Variants in FOXO1 observed in about 807,000 individuals in gnomAD.
FOXO1 encodes the protein forkhead box protein O1.
In FOXO1, 6 loss-of-function variants were observed where a neutral mutation model predicts 44.1. The ratio of observed to expected loss-of-function variants is 0.14; its 90% CI spans 0.07 to 0.27. FOXO1 has a LOEUF of 0.27. Ranked by LOEUF, FOXO1 falls within the 10% of genes least tolerant of loss-of-function variation. The pLI, the probability that FOXO1 is intolerant of heterozygous loss-of-function variation, is 1.00. For missense variants in FOXO1, 737 were observed against 888.8 expected, an observed-to-expected ratio of 0.83 and a Z score of 2.17; for synonymous variants, 380 against 362.7, an observed-to-expected ratio of 1.05 and a Z score of -0.54.
At position 40,665,736 on chromosome 13, in the gene FOXO1, C is replaced by A; in HGVS notation, c.477G>T (p.Ala159=). 4.2e-6 allele frequency: 6 copies of A among 1,442,146 alleles called. No homozygotes were observed. The highest frequency in any genetic ancestry group is 5.5e-6 in the Non-Finnish European group (6 of 1,082,892). 89.3% of individuals were successfully genotyped at this position (1,442,146 alleles called of 1,614,324 possible). Residue 159 remains alanine (A), a synonymous_variant, in exon 1 of 3, where the codon GCG becomes GCT. Transcript: ENST00000379561. ...GGTCGGCGTAGGACAGGTTGCCCCACGCGTTGCGGCGGGACGAGCTGCTCT... is the reference window on the plus strand; with the variant it reads ...GGTCGGCGTAGGACAGGTTGCCCCAAGCGTTGCGGCGGGACGAGCTGCTCT... The part of the protein sequence containing the change: ...PRKSSSSRRN[A]WGNLSYADLI...
chr13:40,589,682 T>C (rs533364324), intron 1 of FOXO1, among the ~76,000 whole-genome samples: 5 of 152,366 alleles, frequency 3.3e-5, no homozygotes, highest in Admixed American at 1.3e-4. Flanking sequence ...TTTGAGCTTA[T>C]TGTTTCAGAA....
At chr13:40,594,385 C>A (rs1000700764) in intron 1 of FOXO1, among the ~76,000 whole-genome samples, 3 of 152,056 alleles carry the variant, frequency 2.0e-5, no homozygotes, top group African/African-American at 7.2e-5. Context: ...GGAATCTAAC[C>A]CCTTCATTTC....
intron 1 of FOXO1, among the ~76,000 whole-genome samples, chr13:40,608,385 G>A (rs1370889986): frequency 2.6e-5 from 4 of 152,180 alleles, no homozygotes; most frequent in Admixed American, 6.5e-5. Flanking sequence ...TACCCTAGTC[G>A]CTCACCTTCC....
At chr13:40,642,690 A>G (rs1194511864) in intron 1 of FOXO1, among the ~76,000 whole-genome samples, 1 of 152,178 alleles carries the variant, frequency 6.6e-6, no homozygotes, top group Non-Finnish European at 1.5e-5. Flanking sequence ...AGGCCAAGGC[A>G]GGTAGATTGC....
intron 1 of FOXO1, among the ~76,000 whole-genome samples, chr13:40,561,944 A>C (rs1232558322): frequency 1.2e-5 from 1 of 86,118 alleles, no homozygotes. Flanking sequence ...CTCTGTCGCC[A>C]AAAAAAAAAA....
chr13:40,655,313 G>A (rs1012719242), intron 1 of FOXO1, among the ~76,000 whole-genome samples: 6 of 144,126 alleles, frequency 4.2e-5, no homozygotes, highest in African/African-American at 7.8e-5. Context: ...TTGGGCCACC[G>A]CACTCCAGCT....
intron 1 of FOXO1, among the ~76,000 whole-genome samples, chr13:40,652,289 CTTTT>C (rs777152612): frequency 2.2e-5 from 3 of 133,568 alleles, no homozygotes; most frequent in Admixed American, 7.6e-5. Context: ...ACTGGTGATT[CTTTT>C]TTTTTTTTTT....
intron 1 of FOXO1, among the ~76,000 whole-genome samples, chr13:40,616,349 G>T (rs1876423042): frequency 6.6e-6 from 1 of 152,112 alleles, no homozygotes; most frequent in African/African-American, 2.4e-5. Context: ...TTAAGTCAGA[G>T]AGCGCTGCAA....
chr13:40,586,484 C>T (rs1332835751), intron 1 of FOXO1, among the ~76,000 whole-genome samples: 1 of 152,192 alleles, frequency 6.6e-6, no homozygotes, highest in Non-Finnish European at 1.5e-5. Flanking sequence ...GCAACAGAGG[C>T]ACCCCCTTGT....
intron 1 of FOXO1, chr13:40,562,827 G>C (rs916810703): frequency 6.6e-6 from 1 of 152,402 alleles, no homozygotes; most frequent in Admixed American, 6.5e-5. Context: ...TGGTGTTCAG[G>C]GGAGTCCGTG....
rs1397654924 is a variant in FOXO1 at position 40,651,104 on chromosome 13, TGTTTTTG to T, written c.630+14472_630+14478del. On this transcript the variant is annotated intron_variant, in intron 1 of 2. Coordinates refer to ENST00000379561, the MANE Select transcript of FOXO1 (RefSeq NM_002015.4). The stretch of plus-strand genomic sequence containing the variant: ...TTTTGGTTTTTTGTTTTTTGTTTTT[TGTTTTTG>T]TTTTTTTTTAAGAAACATGGTCCCA... Among the ~76,000 whole-genome samples the T allele has an allele frequency of 3.9e-3, 539 of 139,602 alleles. 4 individuals carry two copies. The highest frequency in any genetic ancestry group is 6.2e-3 in the Non-Finnish European group (402 of 64,894). 91.6% of individuals were successfully genotyped at this position (139,602 alleles called of 152,430 possible).
chr13:40,659,649 A>G (rs1455128878), intron 1 of FOXO1, among the ~76,000 whole-genome samples: 1 of 152,112 alleles, frequency 6.6e-6, no homozygotes, highest in Non-Finnish European at 1.5e-5. Flanking sequence ...TTTCCTTTTT[A>G]GTTTTTATCA....
intron 1 of FOXO1, among the ~76,000 whole-genome samples, chr13:40,597,951 G>A (rs571256286): frequency 6.6e-5 from 10 of 152,326 alleles, no homozygotes; most frequent in African/African-American, 2.2e-4. Flanking sequence ...ACCTGTTATG[G>A]TGGCGGGCGG....
chr13:40,616,858 T>G (rs1876439256), intron 1 of FOXO1, among the ~76,000 whole-genome samples: 1 of 152,038 alleles, frequency 6.6e-6, no homozygotes, highest in African/African-American at 2.4e-5. Flanking sequence ...AAGGGACAGA[T>G]GGAGAAAGGA....
At position 40,657,382 on chromosome 13, in the gene FOXO1, G is replaced by C. The variant is rs531863088; in HGVS notation, c.630+8201C>G. ...CGCCCAGGCTGGACTACAGTGGCGTGATCTCGGCTAACCGCAACCTCCACC... is the reference window on the plus strand; with the variant it reads ...CGCCCAGGCTGGACTACAGTGGCGTCATCTCGGCTAACCGCAACCTCCACC... On this transcript the variant is annotated intron_variant, in intron 1 of 2. Transcript: ENST00000379561. Among the ~76,000 whole-genome samples the C allele has an allele frequency of 2.7e-5, 4 of 145,550 alleles. No homozygotes were observed. In the East Asian group the frequency reaches 8.1e-4, roughly 30 times the overall value.
intron 1 of FOXO1, among the ~76,000 whole-genome samples, chr13:40,583,727 T>C (rs891047188): frequency 3.3e-5 from 5 of 152,248 alleles, no homozygotes; most frequent in Admixed American, 6.5e-5. Context: ...ATGTTGTGAC[T>C]GTTTTGATCT....
chr13:40,571,372 A>T (rs1379773024), intron 1 of FOXO1, among the ~76,000 whole-genome samples: 2 of 152,112 alleles, frequency 1.3e-5, no homozygotes, highest in African/African-American at 2.4e-5. Flanking sequence ...AAAGTACTAT[A>T]AAAAAAGTAA....
intron 1 of FOXO1, among the ~76,000 whole-genome samples, chr13:40,568,408 T>C (rs988559267): frequency 3.3e-5 from 5 of 152,160 alleles, no homozygotes; most frequent in African/African-American, 1.2e-4. Context: ...CACCAGCTCT[T>C]CCTGCACTTC....
Position 40,560,715 on chromosome 13 carries a change from T to C in FOXO1, c.776A>G (p.Asn259Ser). 6.2e-7 allele frequency: 1 copy of C among 1,614,220 alleles called. No homozygotes were observed. Among genetic ancestry groups the C allele is most frequent in the South Asian group, 1.1e-5 (1 of 91,078 alleles). ...TCGGCTCTTAGCAAATTTACTGTTG[T>C]TGTCCATGGATGCAGCTCTTCTCCT... is the stretch of plus-strand genomic sequence containing the variant. Reference protein sequence around the residue: ...SPRRRAASMDNNSKFAKSRSR... With the variant: ...SPRRRAASMDSNSKFAKSRSR... Residue 259 changes from asparagine to serine, a missense_variant, in exon 2 of 3, where the codon AAC becomes AGC. This residue lies in a region of FOXO1 where 136 missense variants were observed against 186.4 expected (regional missense o/e 0.73). Coordinates refer to ENST00000379561, the MANE Select transcript of FOXO1 (RefSeq NM_002015.4). The surrounding 1 kb of genome is among the most constrained non-coding windows in gnomAD (Gnocchi z 5.1).
Sources: gnomAD v4.1 joint callset for allele counts (sites outside exome capture counted in the v4.1 genomes callset) on GRCh38, gnomAD v4.1.1 for gene constraint, gnomAD v4.1.1 regional missense constraint, Gnocchi (gnomAD v3.1) non-coding constraint, MANE v1.5 for transcripts, NCBI Gene and HGNC (gene_info 2026-07-23, HGNC 2026-07-21) for gene names.